Variants in SNX24 observed in about 807,000 individuals in gnomAD.
SNX24 encodes sorting nexin-24.
SNX24 carries 22 observed loss-of-function variants against 28.7 expected under a neutral mutation model. The observed-to-expected ratio is 0.77, with a 90% CI of 0.55 to 1.10. The LOEUF (loss-of-function observed/expected upper bound fraction) is 1.10, where lower values mean the gene tolerates loss of function less well. Among genes scored for constraint, SNX24 ranks in the 50% least tolerant of loss-of-function variants. The pLI is 0.00. For synonymous variants in SNX24, 69 were observed against 71.5 expected (o/e 0.96, Z 0.18); for missense variants, 221 against 201.1 (o/e 1.10, Z -0.60).
intron 3 of SNX24, among the ~76,000 whole-genome samples, chr5:122,984,151 A>T (rs1761500864): frequency 1.3e-5 from 2 of 152,160 alleles, no homozygotes; most frequent in African/African-American, 4.8e-5. Context: ...CTTATGTGCC[A>T]TATGATCATC....
chr5:122,948,435 A>C (rs1391721129), intron 3 of SNX24, among the ~76,000 whole-genome samples: 2 of 152,178 alleles, frequency 1.3e-5, no homozygotes, highest in Non-Finnish European at 2.9e-5. Context: ...GATCTGGCCC[A>C]TGAACCTAAG....
At chr5:122,866,815 A>G (rs1001753266) in intron 1 of SNX24, among the ~76,000 whole-genome samples, 2 of 152,198 alleles carry the variant, frequency 1.3e-5, no homozygotes, top group East Asian at 1.9e-4. Flanking sequence ...ATTTAAAGAC[A>G]TGAGCATAAA....
At position 122,906,540 on chromosome 5, in the gene SNX24, C is replaced by T. The variant is rs550684558; in HGVS notation, c.61-30194C>T. 3.3e-5 allele frequency among the ~76,000 whole-genome samples: 5 copies of T among 152,198 alleles called. No individual in the cohort carries two copies. The East Asian group carries it at 5.8e-4, about 18-fold the overall frequency. On this transcript the variant is annotated intron_variant, in intron 1 of 6. Coordinates refer to ENST00000261369, the MANE Select transcript of SNX24 (RefSeq NM_014035.4). Reference sequence around the variant, plus strand: ...CCTTTTGTTTTGAGTGGAGTTTTGCCCTTTTTTGCCCAGGCTAGAGTGCAG... The same window carrying T: ...CCTTTTGTTTTGAGTGGAGTTTTGCTCTTTTTTGCCCAGGCTAGAGTGCAG...
rs1012150317 is a variant in SNX24 at position 123,018,369 on chromosome 5, C to T, written n.384-10869C>T. 7.9e-5 allele frequency among the ~76,000 whole-genome samples: 12 copies of T among 152,068 alleles called. No homozygotes were observed. The East Asian group carries it at 1.9e-3, about 25-fold the overall frequency. Reference sequence around the variant, plus strand: ...CGGAAGCAGGCTTGTCTTTTAAGACCAGGGAAGAAAAACGGTCATTTTCAA... The same window carrying T: ...CGGAAGCAGGCTTGTCTTTTAAGACTAGGGAAGAAAAACGGTCATTTTCAA... On this transcript the variant is annotated intron_variant and non_coding_transcript_variant, in intron 5 of 5. Coordinates refer to the SNX24 transcript ENST00000502387.
chr5:122,972,432 C>T (rs984446884), intron 3 of SNX24, among the ~76,000 whole-genome samples: 2 of 152,126 alleles, frequency 1.3e-5, no homozygotes, highest in African/African-American at 4.8e-5. Flanking sequence ...ACACAGCCTC[C>T]TAGAGAGCTG....
chr5:122,852,517 A>AT (rs1483265366), intron 1 of SNX24, among the ~76,000 whole-genome samples: 1 of 151,782 alleles, frequency 6.6e-6, no homozygotes, highest in African/African-American at 2.4e-5. Flanking sequence ...CAAATTTTGT[A>AT]TTTTTGCTAG....
chr5:122,877,246 C>G (rs545760950), intron 1 of SNX24, among the ~76,000 whole-genome samples: 108 of 152,218 alleles, frequency 7.1e-4, no homozygotes, highest in South Asian at 3.3e-3. Flanking sequence ...TTTCTCCGAT[C>G]TGCATTAGGT....
At chr5:122,917,273 A>C (rs959259239) in intron 1 of SNX24, among the ~76,000 whole-genome samples, 3 of 151,592 alleles carry the variant, frequency 2.0e-5, no homozygotes, top group Admixed American at 6.6e-5. Context: ...AAAAAAAAGA[A>C]AGAAAAAAAA....
At chr5:122,970,593 C>T (rs1036065945) in intron 3 of SNX24, among the ~76,000 whole-genome samples, 15 of 152,156 alleles carry the variant, frequency 9.9e-5, no homozygotes, top group African/African-American at 3.6e-4. Flanking sequence ...CTCAGCCTCC[C>T]GAGTAGCTGG....
chr5:122,865,191 G>A (rs1251505938), intron 1 of SNX24, among the ~76,000 whole-genome samples: 15 of 152,208 alleles, frequency 9.9e-5, no homozygotes, highest in Admixed American at 9.8e-4. Flanking sequence ...GTGGCCCACT[G>A]AAGTTGTCAC....
intron 3 of SNX24, among the ~76,000 whole-genome samples, chr5:122,994,006 A>G (rs571779358): frequency 5.2e-4 from 79 of 152,276 alleles, no homozygotes; most frequent in African/African-American, 1.8e-3. Context: ...GGTTCTCTAC[A>G]GTTTATAACA....
Position 122,999,848 on chromosome 5 carries a change from T to G in SNX24, c.250-64T>G. 29 of 947,786 alleles carry G rather than the reference T, an allele frequency of 3.1e-5. 1 individual carries two copies. In the South Asian group the frequency reaches 3.5e-4, roughly 12 times the overall value. 58.7% of individuals were successfully genotyped at this position (947,786 alleles called of 1,614,324 possible). A position where few individuals can be genotyped will look rare whatever the true frequency, so the allele number is the denominator to read the frequency against. On this transcript the variant is annotated intron_variant, in intron 3 of 6. Coordinates refer to ENST00000261369, the MANE Select transcript of SNX24 (RefSeq NM_014035.4). Reference sequence around the variant, plus strand: ...GGACGGTTATGACTTTTTGAAATAGTTCATTTGATTGATCACCTAGCAAAC... The same window carrying G: ...GGACGGTTATGACTTTTTGAAATAGGTCATTTGATTGATCACCTAGCAAAC...
intron 3 of SNX24, among the ~76,000 whole-genome samples, chr5:122,951,467 G>T (rs771729742): frequency 2.6e-5 from 4 of 151,942 alleles, no homozygotes; most frequent in Non-Finnish European, 5.9e-5. Flanking sequence ...AAGGAATTTA[G>T]CATCTCATAG....
chr5:123,007,002 T>C (rs182449771), intron 6 of SNX24, among the ~76,000 whole-genome samples: 3 of 152,130 alleles, frequency 2.0e-5, no homozygotes, highest in Non-Finnish European at 2.9e-5. Context: ...TTCTGAACCA[T>C]GAGATAGATT....
chr5:122,896,062 T>C (rs1251658380), intron 1 of SNX24, among the ~76,000 whole-genome samples: 2 of 152,144 alleles, frequency 1.3e-5, no homozygotes, highest in African/African-American at 2.4e-5. Flanking sequence ...GGTGGGAGAA[T>C]CACTTGAACT....
In SNX24 at chr5:122,896,712, G is replaced by T. The variant is rs148162707; in HGVS notation, c.61-40022G>T. On this transcript the variant is annotated intron_variant, in intron 1 of 6. Transcript: ENST00000261369. ...AAAAAGTCTTAGGTCAGGAAAAAAA[G>T]TCTTATAAGTCTTGCCTTGTTTCTG... Among the ~76,000 whole-genome samples the T allele has an allele frequency of 3.4e-3, 520 of 152,296 alleles. 7 individuals carry two copies. Among genetic ancestry groups the T allele is most frequent in the African/African-American group, 0.012 (500 of 41,546 alleles).
intron 1 of SNX24, among the ~76,000 whole-genome samples, chr5:122,850,464 A>G (rs1754859737): frequency 6.6e-6 from 1 of 152,208 alleles, no homozygotes; most frequent in South Asian, 2.1e-4. Context: ...TGTAGCGATG[A>G]TTCTGGAGTA....
At chr5:122,919,785 G>A (rs1397739807) in intron 1 of SNX24, among the ~76,000 whole-genome samples, 1 of 152,132 alleles carries the variant, frequency 6.6e-6, no homozygotes, top group Non-Finnish European at 1.5e-5. Flanking sequence ...TGATACACTA[G>A]CTCCCCTCCC....
chr5:122,994,273 G>A (rs1216788037), intron 3 of SNX24, among the ~76,000 whole-genome samples: 3 of 152,120 alleles, frequency 2.0e-5, no homozygotes, highest in Admixed American at 6.5e-5. Context: ...ATGTGTCACC[G>A]TTTATGCTCG....
Sources: allele counts gnomAD v4.1 joint callset (sites outside exome capture counted in the v4.1 genomes callset), GRCh38; gene constraint gnomAD v4.1.1; transcripts MANE v1.5; gene names NCBI Gene and HGNC (gene_info 2026-07-23, HGNC 2026-07-21).